Variants in MARCHF4 observed in about 807,000 individuals in gnomAD.
The protein encoded by MARCHF4 is membrane associated ring-CH-type finger 4, also known as E3 ubiquitin-protein ligase MARCHF4.
In MARCHF4, 14 loss-of-function variants were observed where a neutral mutation model predicts 43.9. The ratio of observed to expected loss-of-function variants is 0.32; its 90% CI spans 0.21 to 0.50. MARCHF4 has a LOEUF of 0.50. MARCHF4 is among the 20% of genes least tolerant of loss of function. MARCHF4 has a pLI of 0.98. For synonymous variants in MARCHF4, 226 were observed against 213.3 expected (o/e 1.06, Z -0.52); for missense variants, 468 against 536.7 (o/e 0.87, Z 1.27).
chr2:216,304,382 C>G (rs993642288), intron 1 of MARCHF4, among the ~76,000 whole-genome samples: 1 of 151,898 alleles, frequency 6.6e-6, no homozygotes, highest in Non-Finnish European at 1.5e-5. Context: ...ATATGAATAC[C>G]CAGGGATAAA....
At chr2:216,353,769 A>G (rs973516813) in intron 1 of MARCHF4, among the ~76,000 whole-genome samples, 2 of 152,220 alleles carry the variant, frequency 1.3e-5, no homozygotes, top group Non-Finnish European at 2.9e-5. Context: ...ACAGGTCTCA[A>G]ACTCCTGACC....
At chr2:216,337,928 A>G (rs1692181815) in intron 1 of MARCHF4, among the ~76,000 whole-genome samples, 1 of 152,224 alleles carries the variant, frequency 6.6e-6, no homozygotes, top group Non-Finnish European at 1.5e-5. Flanking sequence ...TTCAGACTCT[A>G]GTGGAAGAGA....
intron 3 of MARCHF4, among the ~76,000 whole-genome samples, chr2:216,273,347 A>T (rs1315569736): frequency 6.6e-6 from 1 of 152,258 alleles, no homozygotes; most frequent in Non-Finnish European, 1.5e-5. Context: ...CTAGAGACTC[A>T]TCGCAGCAGA....
chr2:216,358,735 T>C (rs1039936104), intron 1 of MARCHF4, among the ~76,000 whole-genome samples: 4 of 152,200 alleles, frequency 2.6e-5, no homozygotes, highest in African/African-American at 9.6e-5. Context: ...AAAAAAGCCT[T>C]CATCTTTTTG....
chr2:216,273,637 C>T (rs1690975320), intron 3 of MARCHF4, among the ~76,000 whole-genome samples: 1 of 152,198 alleles, frequency 6.6e-6, no homozygotes, highest in Admixed American at 6.5e-5. Flanking sequence ...TCTCTCAGGA[C>T]TTCTGGAAGG....
intron 1 of MARCHF4, among the ~76,000 whole-genome samples, chr2:216,315,203 A>G (rs1185715240): frequency 1.2e-4 from 18 of 152,246 alleles, no homozygotes; most frequent in Non-Finnish European, 5.9e-5. Context: ...ATAGAGACAT[A>G]AACCTTAGAA....
intron 1 of MARCHF4, among the ~76,000 whole-genome samples, chr2:216,297,588 C>T (rs183343583): frequency 8.5e-5 from 13 of 152,258 alleles, no homozygotes; most frequent in Non-Finnish European, 1.3e-4. Context: ...CTCAGCTCAC[C>T]GCAACGTCCG....
intron 1 of MARCHF4, among the ~76,000 whole-genome samples, chr2:216,365,903 C>T (rs1389644685): frequency 1.3e-5 from 2 of 152,172 alleles, no homozygotes; most frequent in Non-Finnish European, 2.9e-5. Flanking sequence ...GAACAGCAGG[C>T]AAAAGGTAGG....
rs1004079257 is a variant in MARCHF4, at chr2:216,372,338, C to G, written c.-2078G>C. On this transcript the variant is annotated 5_prime_UTR_variant, in exon 1 of 4. Coordinates refer to ENST00000273067, the MANE Select transcript of MARCHF4 (RefSeq NM_020814.3). ...CGGCCGCCGCTGCTGCATTCAGCAC[C>G]CCGGGCGAGTGGACAGCTCCCACCC... Among the ~76,000 whole-genome samples the G allele has an allele frequency of 6.6e-6, 1 of 152,172 alleles. No homozygotes were observed. The highest frequency in any genetic ancestry group is 1.5e-5 in the Non-Finnish European group (1 of 68,036).
intron 1 of MARCHF4, among the ~76,000 whole-genome samples, chr2:216,330,546 C>G (rs1210219608): frequency 6.6e-6 from 1 of 152,098 alleles, no homozygotes; most frequent in Non-Finnish European, 1.5e-5. Flanking sequence ...ACACTGTTCA[C>G]AATGATGACA....
intron 1 of MARCHF4, chr2:216,303,487 ACAGAGCTGGCTTTTT>A (rs1691529004): frequency 6.6e-6 from 1 of 152,256 alleles, no homozygotes; most frequent in Admixed American, 6.5e-5. Flanking sequence ...GCTGTTGGAG[ACAGAGCTGGCTTTTT>A]CCCTGATGTC....
At chr2:216,328,782 A>AATC (rs1352293120) in intron 1 of MARCHF4, among the ~76,000 whole-genome samples, 7 of 152,258 alleles carry the variant, frequency 4.6e-5, no homozygotes, top group African/African-American at 1.7e-4. Flanking sequence ...TCACACCTGT[A>AATC]ATCCCAGCAC....
Position 216,370,274 on chromosome 2 carries a change from G to A in MARCHF4, c.-14C>T. 6 of 1,586,848 alleles carry A rather than the reference G, an allele frequency of 3.8e-6. No homozygotes were observed. Among genetic ancestry groups the A allele is most frequent in the Middle Eastern group, 1.7e-4 (1 of 5,922 alleles). On this transcript the variant is annotated 5_prime_UTR_variant, in exon 1 of 4. Transcript: ENST00000273067. ...GGGCATCAGCATGTGCCCCGTGGAA[G>A]TAGAGAGCCCAAGAGGGGTGGCTGG... is the stretch of plus-strand genomic sequence containing the variant.
chr2:216,348,820 C>A (rs898814562), intron 1 of MARCHF4, among the ~76,000 whole-genome samples: 2 of 152,150 alleles, frequency 1.3e-5, no homozygotes, highest in African/African-American at 4.8e-5. Context: ...ATATTCACTG[C>A]ACAATGATCA....
rs1440932788 is a variant in MARCHF4, at chr2:216,326,108, T to G, written c.517-42379A>C. On this transcript the variant is annotated intron_variant, in intron 1 of 3. Coordinates refer to ENST00000273067, the MANE Select transcript of MARCHF4 (RefSeq NM_020814.3). ...GAATCTACAATGAACTCAAACAAAT[T>G]TACAAGAAAAAAACAAACAACCCCA... Among the ~76,000 whole-genome samples, 3 of 144,092 alleles carry G rather than the reference T, an allele frequency of 2.1e-5. No individual in the cohort carries two copies. The East Asian group carries it at 6.1e-4, about 30-fold the overall frequency. 94.5% of individuals were successfully genotyped at this position (144,092 alleles called of 152,430 possible). A position where few individuals can be genotyped will look rare whatever the true frequency, so the allele number is the denominator to read the frequency against.
In MARCHF4 at chr2:216,283,638, C is replaced by T. The variant is rs1407305976; in HGVS notation, c.608G>A (p.Trp203Ter). ...LIKWISERGCWSCELCYYKYH... is the reference protein window; with the variant it reads ...LIKWISERGC ...CTTGTAGTAGCACAGCTCGCAGCTC[C>T]AGCAGCCCCGCTCGCTGATCCACTT... Residue 203 changes from tryptophan to a stop codon, truncating the protein, a stop_gained, in exon 2 of 4, where the codon TGG becomes TAG. Coordinates refer to ENST00000273067, the MANE Select transcript of MARCHF4 (RefSeq NM_020814.3). LOFTEE classifies it high-confidence loss of function. 6.2e-7 allele frequency: 1 copy of T among 1,613,768 alleles called. No homozygotes were observed. The highest frequency in any genetic ancestry group is 1.7e-5 in the Admixed American group (1 of 60,016).
chr2:216,322,619 C>T (rs1270990170), intron 1 of MARCHF4, among the ~76,000 whole-genome samples: 2 of 152,160 alleles, frequency 1.3e-5, no homozygotes, highest in African/African-American at 2.4e-5. Flanking sequence ...ATCAGGAGTT[C>T]GAAACCAGCC....
At position 216,259,534 on chromosome 2, in the gene MARCHF4, G is replaced by T. The variant is rs200636833; in HGVS notation, c.1011C>A (p.Ser337=). 1.2e-6 allele frequency: 2 copies of T among 1,614,070 alleles called. No individual in the cohort carries two copies. The highest frequency in any genetic ancestry group is 1.7e-6 in the Non-Finnish European group (2 of 1,180,032). Residue 337 remains serine (S), a synonymous_variant, in exon 4 of 4, where the codon TCC becomes TCA. Coordinates refer to ENST00000273067, the MANE Select transcript of MARCHF4 (RefSeq NM_020814.3). ...KAGGRTNPRT[S]SSTQANIPSS... is the part of the protein sequence containing the mutation. The stretch of plus-strand genomic sequence containing the variant: ...AGGGGATATTGGCCTGGGTGGATGA[G>T]GAGGTCCGGGGGTTGGTCCTGCCTC...
chr2:216,319,781 C>T (rs1691849540), intron 1 of MARCHF4, among the ~76,000 whole-genome samples: 1 of 152,162 alleles, frequency 6.6e-6, no homozygotes, highest in Non-Finnish European at 1.5e-5. Flanking sequence ...TTTACATCCC[C>T]AGCCCGTCAC....
Sources: allele counts gnomAD v4.1 joint callset (sites outside exome capture counted in the v4.1 genomes callset), GRCh38; gene constraint gnomAD v4.1.1; transcripts MANE v1.5; gene names NCBI Gene and HGNC (gene_info 2026-07-23, HGNC 2026-07-21).